Variants in DHCR7 observed in about 807,000 individuals in gnomAD.
The protein encoded by DHCR7 is 7-DHC reductase.
Under a neutral mutation model 43.3 loss-of-function variants are expected in DHCR7, and 40 were observed. The ratio of observed to expected loss-of-function variants is 0.92; its 90% confidence interval spans 0.72 to 1.20. DHCR7 has a LOEUF of 1.20. DHCR7 is among the 50% of genes most tolerant of loss of function. The pLI is 0.00. For synonymous variants in DHCR7, 298 were observed against 271.4 expected (o/e 1.10, Z -0.96); for missense variants, 608 against 644.6 (o/e 0.94, Z 0.62).
downstream of DHCR7, among the ~76,000 whole-genome samples, chr11:71,430,162 T>C (rs1234711447): frequency 6.6e-6 from 1 of 152,230 alleles, no homozygotes; most frequent in African/African-American, 2.4e-5. Context: ...CTGCATGGAA[T>C]GTTCTCCTCA....
chr11:71,439,562 G>A (rs1360763903), intron 6 of DHCR7, among the ~76,000 whole-genome samples: 1 of 152,220 alleles, frequency 6.6e-6, no homozygotes, highest in Non-Finnish European at 1.5e-5. Context: ...CCAACGTAGA[G>A]AATGACAAAC....
rs80338853 is a variant in DHCR7 at position 71,444,036 on chromosome 11, G to A, written c.278C>T (p.Thr93Met). The A allele has an allele frequency of 5.6e-5, 90 of 1,613,412 alleles. No homozygotes were observed. Among genetic ancestry groups the A allele is most frequent in the Non-Finnish European group, 6.4e-5 (75 of 1,179,796 alleles). Reference sequence around the variant, plus strand: ...GGTATAGAGCTGGGCGGCTTTCCTCGTTATAGGTGGAGTCTTGGCCCAGAT... The same window carrying A: ...GGTATAGAGCTGGGCGGCTTTCCTCATTATAGGTGGAGTCTTGGCCCAGAT... ...SDIWAKTPPI[T>M]RKAAQLYTLW... Residue 93 changes from threonine to methionine, a missense_variant, in exon 4 of 9, where the codon ACG becomes ATG. By Grantham distance (81) the Thr-to-Met change is moderately conservative. Transcript: ENST00000355527.
chr11:71,428,457 C>T (rs1357682427), exon 3 of DHCR7: 1 of 160,946 alleles, frequency 6.2e-6, no homozygotes, highest in Non-Finnish European at 1.4e-5. Context: ...TATAACATTC[C>T]ATCATGTGGA....
rs1949419326 is a variant in DHCR7, at chr11:71,447,747, C to T, written c.-131-13G>A. The T allele has an allele frequency of 6.6e-6, 1 of 152,262 alleles. No homozygotes were observed. Among genetic ancestry groups the T allele is most frequent in the South Asian group, 2.1e-4 (1 of 4,838 alleles). 9.4% of individuals were successfully genotyped at this position (152,262 alleles called of 1,614,324 possible). Reference sequence around the variant, plus strand: ...ACCGGCTAAAGTCCTGCAAGGAACACAAAAATGAATAAGACCGCAGGCAGC... The same window carrying T: ...ACCGGCTAAAGTCCTGCAAGGAACATAAAAATGAATAAGACCGCAGGCAGC... On this transcript the variant is annotated splice_polypyrimidine_tract_variant and intron_variant, in intron 1 of 8. Coordinates refer to ENST00000355527, the MANE Select transcript of DHCR7 (RefSeq NM_001360.3).
chr11:71,443,945 C>T, intron 4 of DHCR7, 48 bp downstream of exon 4: 1 of 1,459,412 alleles, frequency 6.9e-7, no homozygotes, highest in East Asian at 2.3e-5. Flanking sequence ...AGCAGGAGGG[C>T]ACGCTCCCCA....
At chr11:71,440,397 G>T (rs1949335998) in intron 6 of DHCR7, among the ~76,000 whole-genome samples, 1 of 150,618 alleles carries the variant, frequency 6.6e-6, no homozygotes, top group Non-Finnish European at 1.5e-5. Flanking sequence ...TGGATAGGTG[G>T]ATGGACAAAT....
intron 8 of DHCR7, 165 bp from the exon 9 acceptor site, chr11:71,436,004 G>A: frequency 1.5e-6 from 1 of 654,520 alleles, no homozygotes; most frequent in South Asian, 1.7e-5. Flanking sequence ...CTTGAGGGCT[G>A]TTGTGGTCAT....
chr11:71,438,674 C>T, intron 7 of DHCR7: 1 of 635,768 alleles, frequency 1.6e-6, no homozygotes, highest in East Asian at 2.7e-5. Flanking sequence ...CTGCCTCCTC[C>T]CCTCCCAGGG....
At position 71,438,020 on chromosome 11, in the gene DHCR7, C is replaced by T. The variant is rs11233679; in HGVS notation, c.832-77G>A. 4,481 of 1,565,114 alleles carry T rather than the reference C, an allele frequency of 2.9e-3. 107 individuals are homozygous for T. In the African/African-American group the frequency reaches 0.052, roughly 18 times the overall value. On this transcript the variant is annotated intron_variant, in intron 7 of 8. Transcript: ENST00000355527. ...TGGACCTCGGGGAAATCACACTCCA[C>T]GCAGATGCAGCAGGGGGTGCTCGGG...
At chr11:71,440,395 T>G (rs536257216) in intron 6 of DHCR7, among the ~76,000 whole-genome samples, 125 of 129,262 alleles carry the variant, frequency 9.7e-4, no homozygotes, top group Middle Eastern at 5.2e-3. Flanking sequence ...GGTGGATAGG[T>G]GGATGGACAA....
At chr11:71,445,775 T>C (rs1212947558) in intron 2 of DHCR7, among the ~76,000 whole-genome samples, 1 of 152,214 alleles carries the variant, frequency 6.6e-6, no homozygotes. Flanking sequence ...CCAGAACAAG[T>C]TCATAACTGT....
chr11:71,427,476 A>T (rs186202596), downstream of DHCR7, among the ~76,000 whole-genome samples: 45 of 152,346 alleles, frequency 3.0e-4, no homozygotes, highest in African/African-American at 8.9e-4. Context: ...TAGAAATAAA[A>T]TAGATTTTTG....
Position 71,441,241 on chromosome 11 carries a change from G to C in DHCR7, c.612C>G (p.Thr204=), listed in dbSNP as rs1379315405. The change falls in exon 6 of 9, where the codon ACC becomes ACG. Residue 204 remains threonine, a synonymous_variant. Coordinates refer to ENST00000355527, the MANE Select transcript of DHCR7 (RefSeq NM_001360.3). ...FAMVKGYFFP[T]SARDCKFTGN... ...TAAGAACATACCAGTCTCTGGCGCT[G>C]GTGGGGAAGAAGTAGCCCTTGACCA... 6.2e-7 allele frequency: 1 copy of C among 1,614,076 alleles called. No individual in the cohort carries two copies. The highest frequency in any genetic ancestry group is 8.5e-7 in the Non-Finnish European group (1 of 1,180,038).
At chr11:71,446,339 A>G (rs1305593677) in intron 2 of DHCR7, among the ~76,000 whole-genome samples, 1 of 152,112 alleles carries the variant, frequency 6.6e-6, no homozygotes, top group African/African-American at 2.4e-5. Flanking sequence ...GGAAAAAAAG[A>G]AACCAAGCCA....
downstream of DHCR7, among the ~76,000 whole-genome samples, chr11:71,427,428 GT>G (rs1388689562): frequency 6.6e-6 from 1 of 152,128 alleles, no homozygotes; most frequent in East Asian, 1.9e-4. Flanking sequence ...CACAGTAAAT[GT>G]TATTGAAAAA....
intron 4 of DHCR7, 89 bp from the exon 5 acceptor site, chr11:71,442,442 A>G: frequency 2.1e-6 from 2 of 964,860 alleles, no homozygotes; most frequent in Non-Finnish European, 3.3e-6. Context: ...TCACAATCAT[A>G]GTCTTTTTCT....
rs1949255090 is a variant in DHCR7, at chr11:71,434,956, A to G, written c.*419T>C. The stretch of plus-strand genomic sequence containing the variant: ...GAAAGGCAATACATGGATAACGCGC[A>G]CGCCCCACTCCCACTTTTATTTAGC... On this transcript the variant is annotated 3_prime_UTR_variant, in exon 9 of 9. Transcript: ENST00000355527. The G allele has an allele frequency of 7.8e-6, 3 of 382,722 alleles. No homozygotes were observed. Among genetic ancestry groups the G allele is most frequent in the South Asian group, 3.9e-5 (2 of 51,072 alleles). The allele number at this position is 382,722 out of a possible 1,614,324, so 23.7% of individuals were successfully genotyped here. A position where few individuals can be genotyped will look rare whatever the true frequency, so the allele number is the denominator to read the frequency against.
intron 8 of DHCR7, among the ~76,000 whole-genome samples, 166 bp downstream of exon 8, chr11:71,437,646 G>A (rs919102189): frequency 2.6e-5 from 4 of 152,216 alleles, no homozygotes; most frequent in African/African-American, 7.2e-5. Flanking sequence ...CCACCTCCCT[G>A]GCTGCTGGCC....
intron 6 of DHCR7, among the ~76,000 whole-genome samples, chr11:71,439,756 A>AGTTCCCTC (rs1355649518): frequency 6.6e-6 from 1 of 152,228 alleles, no homozygotes; most frequent in African/African-American, 2.4e-5. Context: ...TTTCATGTCC[A>AGTTCCCTC]GTTCCCTCAG....
Sources: allele counts gnomAD v4.1 joint callset (sites outside exome capture counted in the v4.1 genomes callset), GRCh38; gene constraint gnomAD v4.1.1; transcripts MANE v1.5; gene names NCBI Gene and HGNC (gene_info 2026-07-23, HGNC 2026-07-21).